The following DPYD variants were observed in gnomAD, a reference collection of about 807,000 sequenced individuals.
The protein encoded by DPYD is dihydropyrimidine dehydrogenase.
In DPYD, 109 loss-of-function variants were observed where a neutral mutation model predicts 116.2. That is an observed-to-expected ratio of 0.94 (90% confidence interval 0.80 to 1.10). DPYD has a LOEUF of 1.10. DPYD is among the 50% of genes least tolerant of loss of function. DPYD has a pLI of 0.00. For synonymous variants in DPYD, 440 were observed against 432.0 expected (o/e 1.02, Z -0.23); for missense variants, 1,302 against 1,254.5 (o/e 1.04, Z -0.57).
intron 20 of DPYD, among the ~76,000 whole-genome samples, chr1:97,114,119 T>A (rs1179369448): frequency 6.6e-6 from 1 of 152,054 alleles, no homozygotes; most frequent in Non-Finnish European, 1.5e-5. Context: ...TTTGCCATCA[T>A]AGAAAAGCAA....
intron 12 of DPYD, among the ~76,000 whole-genome samples, chr1:97,531,194 C>T (rs773747101): frequency 6.6e-6 from 1 of 152,150 alleles, no homozygotes; most frequent in Non-Finnish European, 1.5e-5. Context: ...ATTGCCAAAA[C>T]CAATGTCATG....
At position 97,662,253 on chromosome 1, in the gene DPYD, C is replaced by G. The variant is rs961552855; in HGVS notation, c.850+16842G>C. Reference sequence around the variant, plus strand: ...TCCTGACCTCATGATCCACCCGCCTCGGCCTCCCAAAATGCTGGGATTACA... The same window carrying G: ...TCCTGACCTCATGATCCACCCGCCTGGGCCTCCCAAAATGCTGGGATTACA... On this transcript the variant is annotated intron_variant, in intron 8 of 22. Coordinates refer to ENST00000370192, the MANE Select transcript of DPYD (RefSeq NM_000110.4). Among the ~76,000 whole-genome samples, 11 of 151,580 alleles carry G rather than the reference C, an allele frequency of 7.3e-5. No individual in the cohort carries two copies. In the South Asian group the frequency reaches 2.3e-3, roughly 32 times the overall value.
At chr1:97,567,935 G>A (rs573015153) in intron 11 of DPYD, among the ~76,000 whole-genome samples, 6 of 151,624 alleles carry the variant, frequency 4.0e-5, no homozygotes, top group Non-Finnish European at 5.9e-5. Flanking sequence ...GGTTTGTTAC[G>A]TATGTATACA....
At chr1:97,181,832 C>T (rs931472923) in intron 20 of DPYD, among the ~76,000 whole-genome samples, 5 of 152,126 alleles carry the variant, frequency 3.3e-5, no homozygotes, top group African/African-American at 1.2e-4. Flanking sequence ...TAACAACCAC[C>T]ATGTATTGAT....
intron 16 of DPYD, 34 bp downstream of exon 16, chr1:97,373,527 T>C (rs2101515573): frequency 1.3e-6 from 2 of 1,594,354 alleles, no homozygotes; most frequent in Non-Finnish European, 1.7e-6. Flanking sequence ...TATGTCACAC[T>C]GACATACTTA....
chr1:97,905,652 C>T (rs1673577071), intron 1 of DPYD, among the ~76,000 whole-genome samples: 2 of 152,038 alleles, frequency 1.3e-5, no homozygotes, highest in Non-Finnish European at 2.9e-5. Context: ...CCCTCCACTG[C>T]AACCATCTGG....
rs768211796 is a variant in DPYD, at chr1:97,515,712, T to C, written c.1740+14A>G. On this transcript the variant is annotated intron_variant, in intron 13 of 22. Transcript: ENST00000370192. ...GATAGACATTTCTATATGACTTCAA[T>C]AATATTTTCTTACCTTATCAAGAGA... 3.1e-6 allele frequency: 5 copies of C among 1,607,866 alleles called. No homozygotes were observed. The highest frequency in any genetic ancestry group is 3.4e-6 in the Non-Finnish European group (4 of 1,175,058).
At chr1:97,539,111 T>A (rs1351906691) in intron 12 of DPYD, among the ~76,000 whole-genome samples, 1 of 152,062 alleles carries the variant, frequency 6.6e-6, no homozygotes, top group Non-Finnish European at 1.5e-5. Flanking sequence ...AAAATTAACT[T>A]TTTGTTGTTG....
rs560578432 is a variant in DPYD at position 97,841,686 on chromosome 1, A to G, written c.151-13490T>C. ...GGATCATAGAAACAGTATCCCACCA[A>G]TTTACCTAAAGGGAGTAGCAGGGGA... On this transcript the variant is annotated intron_variant, in intron 2 of 22. Coordinates refer to ENST00000370192, the MANE Select transcript of DPYD (RefSeq NM_000110.4). Among the ~76,000 whole-genome samples the G allele has an allele frequency of 9.9e-5, 15 of 152,054 alleles. No homozygotes were observed. The South Asian group carries it at 2.9e-3, about 29-fold the overall frequency.
intron 1 of DPYD, among the ~76,000 whole-genome samples, chr1:97,900,390 G>A (rs904180412): frequency 1.3e-5 from 2 of 151,856 alleles, no homozygotes; most frequent in African/African-American, 4.8e-5. Flanking sequence ...GGTGATTCTG[G>A]TGGTCAACTA....
intron 8 of DPYD, among the ~76,000 whole-genome samples, chr1:97,677,966 G>C (rs1660233713): frequency 6.6e-6 from 1 of 152,176 alleles, no homozygotes; most frequent in Admixed American, 6.5e-5. Flanking sequence ...AACTGCCGAA[G>C]AGACAGACAA....
intron 20 of DPYD, among the ~76,000 whole-genome samples, chr1:97,175,124 A>G (rs553458279): frequency 2.0e-5 from 3 of 152,218 alleles, no homozygotes; most frequent in African/African-American, 7.2e-5. Context: ...AGAGTTTTCC[A>G]AAGTAGTTGT....
At chr1:97,317,373 A>G (rs1449130485) in intron 16 of DPYD, among the ~76,000 whole-genome samples, 1 of 151,954 alleles carries the variant, frequency 6.6e-6, no homozygotes, top group Non-Finnish European at 1.5e-5. Flanking sequence ...ATCATTGCTT[A>G]GAACACATTA....
At chr1:97,659,153 C>T (rs1659109621) in intron 8 of DPYD, among the ~76,000 whole-genome samples, 1 of 152,124 alleles carries the variant, frequency 6.6e-6, no homozygotes. Flanking sequence ...TATGTTATTA[C>T]CATATTTTGT....
chr1:97,860,906 G>C (rs983886643), intron 2 of DPYD, among the ~76,000 whole-genome samples: 21 of 151,928 alleles, frequency 1.4e-4, no homozygotes, highest in Admixed American at 5.3e-4. Flanking sequence ...ACTTAAAAAA[G>C]AGATCAGGAC....
chr1:97,126,138 G>A (rs1192205726), intron 20 of DPYD, among the ~76,000 whole-genome samples: 4 of 152,014 alleles, frequency 2.6e-5, no homozygotes, highest in East Asian at 1.9e-4. Context: ...TTTGCTGTGC[G>A]TGTGAGGCTC....
At chr1:97,643,267 G>A (rs1658045019) in intron 8 of DPYD, among the ~76,000 whole-genome samples, 1 of 152,018 alleles carries the variant, frequency 6.6e-6, no homozygotes, top group Admixed American at 6.6e-5. Flanking sequence ...ATCAAAAAGT[G>A]GGCAAAGGAT....
At chr1:97,713,265 C>T (rs985187994) in intron 5 of DPYD, among the ~76,000 whole-genome samples, 2 of 151,978 alleles carry the variant, frequency 1.3e-5, no homozygotes, top group Admixed American at 6.6e-5. Flanking sequence ...CCAACGAATC[C>T]TTTAAAACTG....
At chr1:97,605,662 C>A (rs1173793885) in intron 8 of DPYD, among the ~76,000 whole-genome samples, 1 of 151,974 alleles carries the variant, frequency 6.6e-6, no homozygotes, top group Non-Finnish European at 1.5e-5. Context: ...GCTGTTTAAC[C>A]TTGCATAATC....
Sources: gnomAD v4.1 joint callset for allele counts (sites outside exome capture counted in the v4.1 genomes callset) on GRCh38, gnomAD v4.1.1 for gene constraint, MANE v1.5 for transcripts, NCBI Gene and HGNC (gene_info 2026-07-23, HGNC 2026-07-21) for gene names.